The following GCN1 variants were observed in gnomAD, a reference collection of about 807,000 sequenced individuals.
GCN1 encodes the protein GCN1 activator of EIF2AK4.
A neutral mutation model predicts 288.4 loss-of-function variants in GCN1; 90 were observed. That is an observed-to-expected ratio of 0.31 (90% CI 0.26 to 0.37). The LOEUF (loss-of-function observed/expected upper bound fraction) is 0.37. Ranked by LOEUF, GCN1 falls within the 10% of genes least tolerant of loss-of-function variation. The probability of loss-of-function intolerance (pLI) is 1.00; values close to 1 mark genes in which losing one functional copy is unlikely to be tolerated. For synonymous variants in GCN1, 1,386 were observed against 1,420.2 expected (o/e 0.98, Z 0.54); for missense variants, 2,586 against 3,419.9 (o/e 0.76, Z 6.08).
At position 120,155,411 on chromosome 12, in the gene GCN1, G is replaced by A; in HGVS notation, c.3460C>T (p.Leu1154=). The change falls in exon 30 of 58, where the codon CTA becomes TTA. Residue 1154 remains leucine, a synonymous_variant. Coordinates refer to ENST00000300648, the MANE Select transcript of GCN1 (RefSeq NM_006836.2). This position sits in a 1 kb window ranked among gnomAD's most constrained non-coding sequence, Gnocchi z 4.9. The stretch of plus-strand genomic sequence containing the variant: ...GAGCAGAGGTCTGGCTGCAGGTCTA[G>A]GCCCATCATTGACCAGAGCCTGTGG... ...LAERLWSMMG[L]DLQPDLCSLL... The A allele has an allele frequency of 6.2e-7, 1 of 1,613,914 alleles. No homozygotes were observed. Among genetic ancestry groups the A allele is most frequent in the South Asian group, 1.1e-5 (1 of 91,080 alleles).
chr12:120,188,551 G>T (rs1265227195), intron 2 of GCN1, among the ~76,000 whole-genome samples: 2 of 151,216 alleles, frequency 1.3e-5, no homozygotes, highest in African/African-American at 4.9e-5. Flanking sequence ...TGGGAAAAAT[G>T]ATATCCCAAG....
intron 51 of GCN1, among the ~76,000 whole-genome samples, chr12:120,135,807 G>A (rs1251617026): frequency 6.6e-6 from 1 of 152,098 alleles, no homozygotes; most frequent in African/African-American, 2.4e-5. Context: ...TGAGCTGTGC[G>A]AGGTCAGGAG....
chr12:120,128,292 A>G lies in GCN1; in HGVS notation c.7891-318T>C, dbSNP rs182638112. Among the ~76,000 whole-genome samples, 278 of 150,782 alleles carry G rather than the reference A, an allele frequency of 1.8e-3. 2 individuals carry two copies. Among genetic ancestry groups the G allele is most frequent in the African/African-American group, 6.6e-3 (270 of 41,058 alleles). ...GGCATGAGCCATCGCACCTGGCCCC[A>G]TCATGCTTTTCATGAGACGAGGCAG... On this transcript the variant is annotated intron_variant, in intron 57 of 57. Coordinates refer to ENST00000300648, the MANE Select transcript of GCN1 (RefSeq NM_006836.2).
chr12:120,160,437 A>G, intron 22 of GCN1, 182 bp from the exon 23 acceptor site: 4 of 593,778 alleles, frequency 6.7e-6, no homozygotes. Flanking sequence ...CCTGGTTTCT[A>G]TAGAATGGAG....
chr12:120,178,181 GTCCT>G lies in GCN1; in HGVS notation c.661-433_661-430del, dbSNP rs556813524. The stretch of plus-strand genomic sequence containing the variant: ...TTCTCTGACCCACAGCCTAAATCAG[GTCCT>G]TCCGTTGTGGAGTCTCACGACTTCT... On this transcript the variant is annotated intron_variant, in intron 7 of 57. Transcript: ENST00000300648. Among the ~76,000 whole-genome samples the G allele has an allele frequency of 6.6e-5, 10 of 152,194 alleles. No homozygotes were observed. In the South Asian group the frequency reaches 2.1e-3, roughly 32 times the overall value.
intron 21 of GCN1, 114 bp downstream of exon 21, chr12:120,161,766 A>G (rs1877939252): frequency 1.8e-6 from 2 of 1,093,626 alleles, no homozygotes; most frequent in Non-Finnish European, 2.7e-6. Flanking sequence ...GCGCTTAGCC[A>G]ATGAATGGAT....
intron 51 of GCN1, among the ~76,000 whole-genome samples, chr12:120,135,923 G>A (rs539009597): frequency 1.3e-5 from 2 of 152,094 alleles, no homozygotes; most frequent in African/African-American, 4.8e-5. Flanking sequence ...GGCTGAGGCA[G>A]AAGAATTGCT....
chr12:120,157,797 T>C, intron 26 of GCN1, 52 bp downstream of exon 26: 1 of 1,463,512 alleles, frequency 6.8e-7, no homozygotes, highest in Non-Finnish European at 9.5e-7. Context: ...CCACAGGCCC[T>C]GCCTCCCTGA....
rs1166170153 is a variant in GCN1 at position 120,142,521 on chromosome 12, C to T, written c.5815G>A (p.Ala1939Thr). 1 of 1,613,692 alleles carries T rather than the reference C, an allele frequency of 6.2e-7. No individual in the cohort carries two copies. Among genetic ancestry groups the T allele is most frequent in the African/African-American group, 1.3e-5 (1 of 75,008 alleles). The change falls in exon 44 of 58, where the codon GCA (alanine) becomes ACA (threonine). Residue 1939 changes from alanine (A) to threonine (T), a missense_variant. Around this residue, in one of 8 missense-constraint regions of GCN1, gnomAD observed 437 missense variants for 570.5 expected, o/e 0.77. Transcript: ENST00000300648. This position sits in a 1 kb window ranked among gnomAD's most constrained non-coding sequence, Gnocchi z 4.9. ...LLLGFLASTC[A>T]DKRTIAARTL... ...AGGAAACTCACCGTTCTCTTATCTGCACACGTGCTGGCCAGGAAACCCAGC... is the reference window on the plus strand; with the variant it reads ...AGGAAACTCACCGTTCTCTTATCTGTACACGTGCTGGCCAGGAAACCCAGC...
At chr12:120,150,762 C>G (rs1312553020) in intron 34 of GCN1, among the ~76,000 whole-genome samples, 1 of 151,776 alleles carries the variant, frequency 6.6e-6, no homozygotes, top group African/African-American at 2.4e-5. Context: ...ACGGTGAAAC[C>G]CCGCCTCTAC....
rs372717987 is a variant in GCN1 at position 120,137,342 on chromosome 12, G to A, written c.6664-23C>T. The A allele has an allele frequency of 2.6e-5, 41 of 1,587,698 alleles. No homozygotes were observed. The highest frequency in any genetic ancestry group is 4.0e-5 in the African/African-American group (3 of 74,362). On this transcript the variant is annotated intron_variant, in intron 49 of 57. Coordinates refer to ENST00000300648, the MANE Select transcript of GCN1 (RefSeq NM_006836.2). The surrounding 1 kb of genome is among the most constrained non-coding windows in gnomAD (Gnocchi z 5.2). The stretch of plus-strand genomic sequence containing the variant: ...CTTCTGCAGGAATCCAGGAAAAAGC[G>A]AGAGGATGTACAGCCCTCTCAAGAC...
At chr12:120,171,991 A>AG (rs1194645359) in intron 14 of GCN1, among the ~76,000 whole-genome samples, 2 of 151,976 alleles carry the variant, frequency 1.3e-5, no homozygotes, top group African/African-American at 4.8e-5. Flanking sequence ...CCACCTGTGT[A>AG]GCTGGGACCA....
At position 120,127,301 on chromosome 12, in the gene GCN1, C is replaced by T. The variant is rs1876649068; in HGVS notation, c.*548G>A. 1 of 152,646 alleles carries T rather than the reference C, an allele frequency of 6.6e-6. No individual in the cohort carries two copies. The highest frequency in any genetic ancestry group is 1.5e-5 in the Non-Finnish European group (1 of 68,078). 9.5% of individuals were successfully genotyped at this position (152,646 alleles called of 1,614,324 possible). A position where few individuals can be genotyped will look rare whatever the true frequency, so the allele number is the denominator to read the frequency against. ...AAATCAAAGCCTTTATTAAACATTC[C>T]TCTTTCAAACAGCCTTTCAAACCTA... On this transcript the variant is annotated 3_prime_UTR_variant, in exon 58 of 58. Coordinates refer to ENST00000300648, the MANE Select transcript of GCN1 (RefSeq NM_006836.2).
Position 120,156,744 on chromosome 12 carries a change from A to G in GCN1, c.3169-140T>C. On this transcript the variant is annotated intron_variant, in intron 27 of 57. Coordinates refer to ENST00000300648, the MANE Select transcript of GCN1 (RefSeq NM_006836.2). The surrounding 1 kb of genome is among the most constrained non-coding windows in gnomAD (Gnocchi z 5.8). ...CAGCTCCAGTGGCAGGACCCAAGCAAAACCCCTCACTAGCTAACAACAGTC... is the reference window on the plus strand; with the variant it reads ...CAGCTCCAGTGGCAGGACCCAAGCAGAACCCCTCACTAGCTAACAACAGTC... 1 of 966,772 alleles carries G rather than the reference A, an allele frequency of 1.0e-6. No individual in the cohort carries two copies. Among genetic ancestry groups the G allele is most frequent in the Non-Finnish European group, 1.6e-6 (1 of 628,322 alleles). The allele number at this position is 966,772 out of a possible 1,614,324, so 59.9% of individuals were successfully genotyped here.
At chr12:120,140,588 T>C (rs1877156264) in intron 45 of GCN1, among the ~76,000 whole-genome samples, 2 of 152,098 alleles carry the variant, frequency 1.3e-5, no homozygotes, top group African/African-American at 2.4e-5. Context: ...ACCTCCACAG[T>C]TGTAAGAGAG....
rs765212920 is a variant in GCN1, at chr12:120,155,286, C to T, written c.3585G>A (p.Ala1195=). The change falls in exon 30 of 58, where the codon GCG becomes GCA. Residue 1195 remains alanine (A), a synonymous_variant. Transcript: ENST00000300648. The surrounding 1 kb of genome is among the most constrained non-coding windows in gnomAD (Gnocchi z 4.9). ...TCTCCATGAGCCTGCCCATAACCTC[C>T]GCCGCCTGCCGCTGGTAACGTGCCA... ...QAVARYQRQA[A]EVMGRLMEIY... is the part of the protein sequence containing the mutation. 6 of 1,614,202 alleles carry T rather than the reference C, an allele frequency of 3.7e-6. No homozygotes were observed. The highest frequency in any genetic ancestry group is 3.3e-4 in the Middle Eastern group (2 of 6,062).
intron 38 of GCN1, 105 bp downstream of exon 38, chr12:120,146,947 C>G: frequency 1.6e-6 from 1 of 609,092 alleles, no homozygotes; most frequent in Non-Finnish European, 2.6e-6. Flanking sequence ...TAATTAGGGA[C>G]TAACGTCCAT....
chr12:120,156,770 A>G lies in GCN1; in HGVS notation c.3168+142T>C. 1 of 887,408 alleles carries G rather than the reference A, an allele frequency of 1.1e-6. No homozygotes were observed. Among genetic ancestry groups the G allele is most frequent in the Non-Finnish European group, 1.8e-6 (1 of 551,720 alleles). The allele number at this position is 887,408 out of a possible 1,614,324, so 55.0% of individuals were successfully genotyped here. A position where few individuals can be genotyped will look rare whatever the true frequency, so the allele number is the denominator to read the frequency against. On this transcript the variant is annotated intron_variant, in intron 27 of 57. Coordinates refer to ENST00000300648, the MANE Select transcript of GCN1 (RefSeq NM_006836.2). The surrounding 1 kb of genome is among the most constrained non-coding windows in gnomAD (Gnocchi z 5.8). ...AACCCCTCACTAGCTAACAACAGTC[A>G]GGCTGGCTCTCTAAAGCAGTCTTTC...
rs1479871862 is a variant in GCN1, at chr12:120,161,939, C to T, written c.2283G>A (p.Glu761=). The T allele has an allele frequency of 6.2e-7, 1 of 1,614,160 alleles. No individual in the cohort carries two copies. Among genetic ancestry groups the T allele is most frequent in the South Asian group, 1.1e-5 (1 of 91,084 alleles). ...CAGGGGTCTGCATAATGGCAAACTCCTCCCGCGTCACCAGGCGCAGTGCAG... is the reference window on the plus strand; with the variant it reads ...CAGGGGTCTGCATAATGGCAAACTCTTCCCGCGTCACCAGGCGCAGTGCAG... ...QNPALRLVTR[E]EFAIMQTPAG... The change falls in exon 21 of 58, where the codon GAG becomes GAA. Residue 761 remains glutamate (E), a synonymous_variant. Coordinates refer to ENST00000300648, the MANE Select transcript of GCN1 (RefSeq NM_006836.2).
Sources: gnomAD v4.1 joint callset for allele counts (sites outside exome capture counted in the v4.1 genomes callset) on GRCh38, gnomAD v4.1.1 for gene constraint, gnomAD v4.1.1 regional missense constraint, Gnocchi (gnomAD v3.1) non-coding constraint, MANE v1.5 for transcripts, NCBI Gene and HGNC (gene_info 2026-07-23, HGNC 2026-07-21) for gene names.